Variants in TRAPPC9 observed in about 807,000 individuals in gnomAD.
TRAPPC9 encodes the protein trafficking protein particle complex subunit 9.
In TRAPPC9, 83 loss-of-function variants were observed where a neutral mutation model predicts 124.0. That is an observed-to-expected ratio of 0.67 (90% CI 0.56 to 0.80). TRAPPC9 has a LOEUF of 0.80. Among genes scored for constraint, TRAPPC9 ranks in the 30% least tolerant of loss-of-function variants. The pLI, the probability that TRAPPC9 is intolerant of heterozygous loss-of-function variation, is 0.00. For missense variants in TRAPPC9, 1,302 were observed against 1,508.3 expected, an observed-to-expected ratio of 0.86 and a Z score of 2.27; for synonymous variants, 638 against 617.5, an observed-to-expected ratio of 1.03 and a Z score of -0.49.
At chr8:140,245,286 C>T (rs1417580717) in intron 16 of TRAPPC9, among the ~76,000 whole-genome samples, 2 of 152,216 alleles carry the variant, frequency 1.3e-5, no homozygotes, top group South Asian at 2.1e-4. Flanking sequence ...TGCTGACGTC[C>T]TCCCTCGCCC....
chr8:140,354,753 CATCCAATAAATTATAGT>C (rs1351633967), intron 9 of TRAPPC9, among the ~76,000 whole-genome samples: 1 of 152,106 alleles, frequency 6.6e-6, no homozygotes, highest in Non-Finnish European at 1.5e-5. Flanking sequence ...CAAAAAAGAC[CATCCAATAAATTATAGT>C]ATCCATCATT....
chr8:139,865,069 G>T (rs1268129769), intron 21 of TRAPPC9, among the ~76,000 whole-genome samples: 2 of 152,174 alleles, frequency 1.3e-5, no homozygotes, highest in Non-Finnish European at 2.9e-5. Context: ...ACATTCTCTT[G>T]ATTTTGCTGT....
chr8:140,003,852 A>G (rs1838571442), intron 18 of TRAPPC9, among the ~76,000 whole-genome samples: 1 of 152,208 alleles, frequency 6.6e-6, no homozygotes, highest in South Asian at 2.1e-4. Flanking sequence ...TAGGTATTAA[A>G]CTAGAGAATT....
chr8:140,354,441 A>T (rs1209607622), intron 9 of TRAPPC9, among the ~76,000 whole-genome samples: 1 of 152,208 alleles, frequency 6.6e-6, no homozygotes, highest in Non-Finnish European at 1.5e-5. Context: ...AAATGACCAA[A>T]GTCTTGGAGA....
At chr8:140,302,040 C>T (rs2065993421) in intron 10 of TRAPPC9, among the ~76,000 whole-genome samples, 1 of 152,224 alleles carries the variant, frequency 6.6e-6, no homozygotes, top group African/African-American at 2.4e-5. Flanking sequence ...CTAACCTATA[C>T]TGCATAATAA....
chr8:140,431,643 C>A lies in TRAPPC9; in HGVS notation c.859+3469G>T, dbSNP rs144804342. Among the ~76,000 whole-genome samples, 8 of 152,280 alleles carry A rather than the reference C, an allele frequency of 5.3e-5. No homozygotes were observed. The East Asian group carries it at 1.5e-3, about 29-fold the overall frequency. On this transcript the variant is annotated intron_variant, in intron 4 of 22. Coordinates refer to ENST00000438773, the MANE Select transcript of TRAPPC9 (RefSeq NM_001160372.4). ...GATGACTGCCACGCTAAACATTTTG[C>A]ACACATTCTCTCTAATTCTCACAAT... is the stretch of plus-strand genomic sequence containing the variant.
chr8:139,732,869 G>A (rs1485164644), intron 21 of TRAPPC9, among the ~76,000 whole-genome samples: 1 of 152,186 alleles, frequency 6.6e-6, no homozygotes, highest in Non-Finnish European at 1.5e-5. Context: ...AGCTGGTCCT[G>A]GGCGAAGGAG....
At chr8:140,036,082 G>T (rs183935407) in intron 17 of TRAPPC9, among the ~76,000 whole-genome samples, 1 of 152,270 alleles carries the variant, frequency 6.6e-6, no homozygotes, top group South Asian at 2.1e-4. Flanking sequence ...TCCATGTGGC[G>T]GGGCTACAGA....
rs1208698321 is a variant in TRAPPC9 at position 139,858,768 on chromosome 8, C to T, written c.3055+27111G>A. Among the ~76,000 whole-genome samples, 7 of 151,862 alleles carry T rather than the reference C, an allele frequency of 4.6e-5. No individual in the cohort carries two copies. The East Asian group carries it at 1.2e-3, about 25-fold the overall frequency. On this transcript the variant is annotated intron_variant, in intron 21 of 22. Transcript: ENST00000438773. The stretch of plus-strand genomic sequence containing the variant: ...GCTCTGTGCCTTCAAGCAGCACCAA[C>T]GGTTTTGCCGAGGCCAGAGCCGACA...
intron 17 of TRAPPC9, among the ~76,000 whole-genome samples, chr8:140,129,003 A>ATAT (rs1196671306): frequency 3.0e-5 from 4 of 132,786 alleles, no homozygotes; most frequent in African/African-American, 1.1e-4. Flanking sequence ...ATATATATAT[A>ATAT]TTAAAAAAAA....
At chr8:139,890,405 G>A (rs531847430) in intron 20 of TRAPPC9, among the ~76,000 whole-genome samples, 8 of 152,236 alleles carry the variant, frequency 5.3e-5, no homozygotes, top group Non-Finnish European at 1.2e-4. Flanking sequence ...GAAACAGCCA[G>A]GCCCAAGGAC....
chr8:140,070,672 C>T (rs538000795), intron 17 of TRAPPC9, among the ~76,000 whole-genome samples: 1 of 152,254 alleles, frequency 6.6e-6, no homozygotes, highest in Admixed American at 6.5e-5. Context: ...TCTCAAAACA[C>T]GCCAAAAACT....
At chr8:140,062,845 C>A (rs1842704142) in intron 17 of TRAPPC9, among the ~76,000 whole-genome samples, 1 of 152,194 alleles carries the variant, frequency 6.6e-6, no homozygotes. Context: ...CCACCCAGCA[C>A]CCCGACTATC....
chr8:140,255,885 C>T (rs1563887220), intron 15 of TRAPPC9, among the ~76,000 whole-genome samples: 1 of 152,094 alleles, frequency 6.6e-6, no homozygotes, highest in Non-Finnish European at 1.5e-5. Context: ...GACTCCGTCC[C>T]CAAAACAGAA....
intron 10 of TRAPPC9, among the ~76,000 whole-genome samples, chr8:140,305,521 C>T (rs547383931): frequency 6.6e-6 from 1 of 152,166 alleles, no homozygotes; most frequent in African/African-American, 2.4e-5. Context: ...AGGCTGGTCT[C>T]GAACTCCTGA....
rs2067649205 is a variant in TRAPPC9 at position 140,353,525 on chromosome 8, G to A, written c.1495+6525C>T. On this transcript the variant is annotated intron_variant, in intron 9 of 22. Transcript: ENST00000438773. The surrounding 1 kb of genome is among the most constrained non-coding windows in gnomAD (Gnocchi z 4.2). ...GTTTACCTAACTAGTTTTTCCCCGT[G>A]TTCCCTTTTTAAGCTACGTGATGTG... 9.2e-5 allele frequency among the ~76,000 whole-genome samples: 14 copies of A among 152,136 alleles called. No individual in the cohort carries two copies. Among genetic ancestry groups the A allele is most frequent in the Admixed American group, 9.2e-4 (14 of 15,274 alleles).
intron 21 of TRAPPC9, among the ~76,000 whole-genome samples, chr8:139,814,873 G>A (rs1312123664): frequency 1.3e-5 from 2 of 152,220 alleles, no homozygotes; most frequent in Non-Finnish European, 2.9e-5. Context: ...CACCCAACGT[G>A]CTTGCAGAGC....
At chr8:139,920,164 G>A (rs1352428887) in intron 19 of TRAPPC9, among the ~76,000 whole-genome samples, 1 of 152,110 alleles carries the variant, frequency 6.6e-6, no homozygotes, top group Non-Finnish European at 1.5e-5. Flanking sequence ...TGGCCAACAC[G>A]GTAAAACCCC....
chr8:139,973,345 T>C (rs367914252), intron 19 of TRAPPC9, among the ~76,000 whole-genome samples: 1 of 152,184 alleles, frequency 6.6e-6, no homozygotes, highest in East Asian at 1.9e-4. Context: ...CTGCCGTCCC[T>C]GCAAGATCTG....
Sources: gnomAD v4.1 joint callset for allele counts (sites outside exome capture counted in the v4.1 genomes callset) on GRCh38, gnomAD v4.1.1 for gene constraint, Gnocchi (gnomAD v3.1) non-coding constraint, MANE v1.5 for transcripts, NCBI Gene and HGNC (gene_info 2026-07-23, HGNC 2026-07-21) for gene names.